The following VARS2 variants were observed in gnomAD, a reference collection of about 807,000 sequenced individuals.
VARS2 encodes valyl-tRNA synthetase 2, mitochondrial.
In VARS2, 105 loss-of-function variants were observed where a neutral mutation model predicts 154.1. The ratio of observed to expected loss-of-function variants is 0.68; its 90% CI spans 0.58 to 0.80. The LOEUF is 0.80. Ranked by LOEUF, VARS2 falls within the 30% of genes least tolerant of loss-of-function variation. VARS2 has a pLI of 0.00. For missense variants in VARS2, 1,157 were observed against 1,361.4 expected (o/e 0.85, Z 2.36); for synonymous variants, 483 against 539.5 (o/e 0.90, Z 1.45).
In VARS2 at chr6:30,926,200, C is replaced by G. The variant is rs760074789; in HGVS notation, c.3182C>G (p.Pro1061Arg). ...GATGAGCCTCCAGCCCCAGGGAGCC[C>G]GGAGCTCTAACTCATCATCCCCATC... ...LMDEPPAPGS[P>R]EL is the part of the protein sequence containing the mutation. The change falls in exon 30 of 30, where the codon CCG becomes CGG. Residue 1061 changes from proline (P) to arginine (R), a missense_variant. Transcript: ENST00000676266. 1.2e-6 allele frequency: 2 copies of G among 1,613,060 alleles called. No homozygotes were observed. The highest frequency in any genetic ancestry group is 1.7e-6 in the Non-Finnish European group (2 of 1,180,018).
In VARS2 at chr6:30,920,129, T is replaced by A; in HGVS notation, c.1206T>A (p.Ala402=). The A allele has an allele frequency of 6.3e-7, 1 of 1,583,896 alleles. No homozygotes were observed. The stretch of plus-strand genomic sequence containing the variant: ...CTCCAGCTCACAGTCCTGCCGATGC[T>A]GAGATGGGGGCCCGACATGGCTTGA... ...KVTPAHSPAD[A]EMGARHGLSP... Residue 402 remains alanine (A), a synonymous_variant, in exon 13 of 30, where the codon GCT becomes GCA. Coordinates refer to ENST00000676266, the MANE Select transcript of VARS2 (RefSeq NM_020442.6). This position sits in a 1 kb window ranked among gnomAD's most constrained non-coding sequence, Gnocchi z 4.6.
At chr6:30,922,830 C>T in intron 22 of VARS2, 56 bp downstream of exon 22, 1 of 1,583,366 alleles carries the variant, frequency 6.3e-7, no homozygotes, top group Non-Finnish European at 8.6e-7. Context: ...CTGGCTTCCT[C>T]TGCAACCCAG....
Position 30,920,149 on chromosome 6 carries a change from G to A in VARS2, c.1226G>A (p.Gly409Asp), listed in dbSNP as rs1488370894. The change falls in exon 13 of 30, where the codon GGC becomes GAC. Residue 409 changes from glycine to aspartate, a missense_variant. Physicochemically the swap from Gly to Asp is moderately conservative, Grantham distance 94 (BLOSUM62 -1). Transcript: ENST00000676266. This position sits in a 1 kb window ranked among gnomAD's most constrained non-coding sequence, Gnocchi z 4.6. ...PADAEMGARH[G>D]LSPLNVIAED... ...GATGCTGAGATGGGGGCCCGACATG[G>A]CTTGAGCCCCTTGAATGTCATTGCG... 2 of 1,592,198 alleles carry A rather than the reference G, an allele frequency of 1.3e-6. No homozygotes were observed. Among genetic ancestry groups the A allele is most frequent in the Non-Finnish European group, 8.6e-7 (1 of 1,169,142 alleles).
rs143473050 is a variant in VARS2, at chr6:30,924,476, G to C, written c.2589G>C (p.Glu863Asp). ...LAPLMPFLAE[E>D]LWQRLPPRPG... ...CACTGATGCCCTTCCTGGCTGAAGA[G>C]CTCTGGCAGAGGCTGCCCCCCAGGC... Residue 863 changes from glutamate to aspartate, a missense_variant, in exon 26 of 30, where the codon GAG (glutamate) becomes GAC (aspartate). Coordinates refer to ENST00000676266, the MANE Select transcript of VARS2 (RefSeq NM_020442.6). 1.6e-4 allele frequency: 253 copies of C among 1,611,496 alleles called. No homozygotes were observed. In the African/African-American group the frequency reaches 2.7e-3, roughly 17 times the overall value.
In VARS2 at chr6:30,914,464, G is replaced by A. The variant is rs1362816690; in HGVS notation, c.-28+120G>A. ...GCTGTGGGCACTGCAGGAGGCCCCTGTGCAGGTGGAGATCGCCGCGGCCCT... is the reference window on the plus strand; with the variant it reads ...GCTGTGGGCACTGCAGGAGGCCCCTATGCAGGTGGAGATCGCCGCGGCCCT... On this transcript the variant is annotated intron_variant, in intron 1 of 29. Coordinates refer to ENST00000676266, the MANE Select transcript of VARS2 (RefSeq NM_020442.6). 5 of 1,324,722 alleles carry A rather than the reference G, an allele frequency of 3.8e-6. No individual in the cohort carries two copies. In the African/African-American group the frequency reaches 4.6e-5, roughly 12 times the overall value. 82.1% of individuals were successfully genotyped at this position (1,324,722 alleles called of 1,614,324 possible). A position where few individuals can be genotyped will look rare whatever the true frequency, so the allele number is the denominator to read the frequency against.
rs200635834 is a variant in VARS2 at position 30,916,906 on chromosome 6, C to T, written c.700C>T (p.Arg234Ter). ...AGGTGGAGAGATCTGTGAGCAGCTG[C>T]GAGCTCTGGGTGCCTCCCTGGACTG... ...AKGGEICEQLRALGASLDWDR... is the reference protein window; with the variant it reads ...AKGGEICEQL The change falls in exon 8 of 30, where the codon CGA becomes TGA. Residue 234 changes from arginine (R) to a stop codon, truncating the protein, a stop_gained. Coordinates refer to ENST00000676266, the MANE Select transcript of VARS2 (RefSeq NM_020442.6). LOFTEE classifies it high-confidence loss of function. This position sits in a 1 kb window ranked among gnomAD's most constrained non-coding sequence, Gnocchi z 4.0. The T allele has an allele frequency of 9.3e-6, 15 of 1,614,058 alleles. No individual in the cohort carries two copies. The highest frequency in any genetic ancestry group is 2.7e-5 in the African/African-American group (2 of 74,910).
At chr6:30,918,770 T>C in intron 10 of VARS2, 57 bp from the exon 11 acceptor site, 1 of 1,195,674 alleles carries the variant, frequency 8.4e-7, no homozygotes, top group Non-Finnish European at 1.2e-6. Flanking sequence ...TTAGCTATGT[T>C]GGCAGTGAGA....
intron 4 of VARS2, 87 bp from the exon 5 acceptor site, chr6:30,915,659 A>C: frequency 6.4e-7 from 1 of 1,574,558 alleles, no homozygotes. Flanking sequence ...TTCTTCCTTG[A>C]AGTTCTTTCT....
chr6:30,914,294 C>A lies in VARS2; in HGVS notation c.-78C>A. The A allele has an allele frequency of 9.5e-7, 1 of 1,050,226 alleles. No homozygotes were observed. The highest frequency in any genetic ancestry group is 1.6e-5 in the African/African-American group (1 of 60,988). The allele number at this position is 1,050,226 out of a possible 1,614,324, so 65.1% of individuals were successfully genotyped here. ...GTTCCAGGGTCGGGTTTGGTGGATT[C>A]CTCAGTCCCTGCCGCCGCGGGGCGC... On this transcript the variant is annotated 5_prime_UTR_variant, in exon 1 of 30. Transcript: ENST00000676266.
chr6:30,925,981 G>A lies in VARS2; in HGVS notation c.3063G>A (p.Gly1021=), dbSNP rs1354769199. 1 of 1,613,120 alleles carries A rather than the reference G, an allele frequency of 6.2e-7. No individual in the cohort carries two copies. Among genetic ancestry groups the A allele is most frequent in the Admixed American group, 1.7e-5 (1 of 60,034 alleles). ...DSLTARTPSE[G]EAGTQRQQKL... The stretch of plus-strand genomic sequence containing the variant: ...TCACAGCCAGGACCCCATCAGAAGG[G>A]GAGGCAGGGACTCAGAGGCAACAAA... Residue 1021 remains glycine (G), a synonymous_variant, in exon 29 of 30, where the codon GGG becomes GGA. Coordinates refer to ENST00000676266, the MANE Select transcript of VARS2 (RefSeq NM_020442.6).
In VARS2 at chr6:30,919,706, C is replaced by G. The variant is rs1156687726; in HGVS notation, c.1075-52C>G. ...TGGGGTTCTCACGCCCCAGCCCAGA[C>G]CCTTCCAACCCTCACAGGTGCCTGT... On this transcript the variant is annotated intron_variant, in intron 11 of 29. Coordinates refer to ENST00000676266, the MANE Select transcript of VARS2 (RefSeq NM_020442.6). This position sits in a 1 kb window ranked among gnomAD's most constrained non-coding sequence, Gnocchi z 4.5. 1 of 1,452,746 alleles carries G rather than the reference C, an allele frequency of 6.9e-7. No individual in the cohort carries two copies. The highest frequency in any genetic ancestry group is 9.2e-7 in the Non-Finnish European group (1 of 1,083,442). 90.0% of individuals were successfully genotyped at this position (1,452,746 alleles called of 1,614,324 possible).
chr6:30,915,930 G>T, intron 5 of VARS2, 51 bp from the exon 6 acceptor site: 2 of 1,614,174 alleles, frequency 1.2e-6, no homozygotes, highest in Non-Finnish European at 1.7e-6. Flanking sequence ...AGGAATGAGT[G>T]AGGATAAACA....
In VARS2 at chr6:30,925,331, C is replaced by G; in HGVS notation, c.2731C>G (p.Gln911Glu). 6.2e-7 allele frequency: 1 copy of G among 1,612,712 alleles called. No individual in the cohort carries two copies. Among genetic ancestry groups the G allele is most frequent in the South Asian group, 1.1e-5 (1 of 91,032 alleles). The change falls in exon 27 of 30, where the codon CAG (glutamine) becomes GAG (glutamate). Residue 911 changes from glutamine to glutamate, a missense_variant. Coordinates refer to ENST00000676266, the MANE Select transcript of VARS2 (RefSeq NM_020442.6). ...RRFSRVQEVV[Q>E]VLRALRATYQ... The stretch of plus-strand genomic sequence containing the variant: ...CTTCTCCCGGGTCCAAGAGGTCGTG[C>G]AGGTGCTAAGGGCTCTCCGAGCCAC...
chr6:30,916,421 G>A lies in VARS2; in HGVS notation c.671+172G>A. On this transcript the variant is annotated intron_variant, in intron 7 of 29. Transcript: ENST00000676266. This position sits in a 1 kb window ranked among gnomAD's most constrained non-coding sequence, Gnocchi z 4.0. ...ATTTGGTGGAGTTTCTAAGCCTTAT[G>A]TGTGTGGATATTATATATGCATTAG... The A allele has an allele frequency of 1.7e-6, 1 of 583,702 alleles. No homozygotes were observed. Among genetic ancestry groups the A allele is most frequent in the Non-Finnish European group, 3.0e-6 (1 of 331,976 alleles). The allele number at this position is 583,702 out of a possible 1,614,324, so 36.2% of individuals were successfully genotyped here. A position where few individuals can be genotyped will look rare whatever the true frequency, so the allele number is the denominator to read the frequency against.
chr6:30,914,591 C>T (rs1794024570), intron 1 of VARS2: 1 of 1,247,576 alleles, frequency 8.0e-7, no homozygotes, highest in Non-Finnish European at 1.1e-6. Flanking sequence ...CGAATCCAGA[C>T]ACTCCGGCCC....
At position 30,922,644 on chromosome 6, in the gene VARS2, T is replaced by TTC. The variant is rs1794596306; in HGVS notation, c.2038-62_2038-61insTC. ...CTGAGGGAGGAGTGAGGCCAGCAGG[T>TTC]GTGACCCTTATAGAGGCAGGGCCTT... On this transcript the variant is annotated intron_variant, in intron 21 of 29. Transcript: ENST00000676266. 11 of 1,582,686 alleles carry TTC rather than the reference T, an allele frequency of 7.0e-6. 1 individual carries two copies. The African/African-American group carries it at 1.2e-4, about 17-fold the overall frequency.
intron 27 of VARS2, 30 bp downstream of exon 27, chr6:30,925,415 C>G: frequency 6.3e-7 from 1 of 1,591,820 alleles, no homozygotes; most frequent in Non-Finnish European, 8.6e-7. Context: ...GGGCTCGGAT[C>G]CCTGCAGGAA....
chr6:30,915,692 C>G, intron 4 of VARS2, 54 bp from the exon 5 acceptor site: 1 of 1,605,014 alleles, frequency 6.2e-7, no homozygotes, highest in Non-Finnish European at 8.5e-7. Flanking sequence ...GTAGAGGGTG[C>G]TCTTTCCCCA....
Position 30,918,869 on chromosome 6 carries a change from C to G in VARS2, c.1028C>G (p.Pro343Arg). The G allele has an allele frequency of 6.2e-7, 1 of 1,612,994 alleles. No homozygotes were observed. The highest frequency in any genetic ancestry group is 8.5e-7 in the Non-Finnish European group (1 of 1,180,028). Residue 343 changes from proline (P) to arginine (R), a missense_variant, in exon 11 of 30, where the codon CCT becomes CGT. By Grantham distance (103) the Pro-to-Arg change is moderately radical. Transcript: ENST00000676266. Reference protein sequence around the residue: ...VVGTTRPETLPGDVAVAVHPD... With the variant: ...VVGTTRPETLRGDVAVAVHPD... ...GGAACCACAAGGCCAGAGACGCTGC[C>G]TGGAGATGTGGCTGTGGCCGTTCAT...
Sources: allele counts gnomAD v4.1 joint callset, GRCh38; gene constraint gnomAD v4.1.1; non-coding constraint Gnocchi (gnomAD v3.1); transcripts MANE v1.5; gene names NCBI Gene and HGNC (gene_info 2026-07-23, HGNC 2026-07-21).